The following RSRP1 variants were observed in gnomAD, a reference collection of about 807,000 sequenced individuals.
The protein encoded by RSRP1 is arginine and serine rich protein 1.
RSRP1 carries 37 observed loss-of-function variants against 33.0 expected under a neutral mutation model. The observed-to-expected ratio is 1.12, with a 90% CI of 0.86 to 1.48. RSRP1 has a LOEUF of 1.48. Ranked by LOEUF, RSRP1 falls within the 40% of genes most tolerant of loss-of-function variation. The pLI is 0.00. For synonymous variants in RSRP1, 167 were observed against 158.7 expected (o/e 1.05, Z -0.40); for missense variants, 402 against 385.3 (o/e 1.04, Z -0.36).
chr1:25,293,490 A>G (rs1324083160), intron 1 of RSRP1, among the ~76,000 whole-genome samples: 1 of 131,910 alleles, frequency 7.6e-6, no homozygotes, highest in East Asian at 1.9e-4. Flanking sequence ...TTTTAGAACA[A>G]GTAGAATACA....
chr1:25,332,363 T>C (rs552246263), intron 1 of RSRP1, among the ~76,000 whole-genome samples: 1 of 132,090 alleles, frequency 7.6e-6, no homozygotes, highest in African/African-American at 2.6e-5. Context: ...ATTTCCCACA[T>C]TGCCAATTCC....
At position 25,306,619 on chromosome 1, in the gene RSRP1, G is replaced by A. The variant is rs1222433796; in HGVS notation, c.-67+31359C>T. ...AGGGGTGTTGTAACCGAGTGCTGGG[G>A]ATTCCCCACAGCTCCATCATGGGCT... On this transcript the variant is annotated intron_variant, in intron 1 of 1. Transcript: ENST00000561867. 7 of 1,378,316 alleles carry A rather than the reference G, an allele frequency of 5.1e-6. 1 individual carries two copies. The highest frequency in any genetic ancestry group is 1.8e-4 in the Middle Eastern group (1 of 5,524). The allele number at this position is 1,378,316 out of a possible 1,614,324, so 85.4% of individuals were successfully genotyped here. A position where few individuals can be genotyped will look rare whatever the true frequency, so the allele number is the denominator to read the frequency against.
intron 1 of RSRP1, among the ~76,000 whole-genome samples, chr1:25,258,347 T>C (rs951260670): frequency 5.3e-5 from 8 of 151,996 alleles, no homozygotes; most frequent in African/African-American, 1.9e-4. Context: ...TGCCGGCTAA[T>C]TTTTGTATTT....
rs557746335 is a variant in RSRP1 at position 25,276,532 on chromosome 1, TAAAA to T, written c.-66-29507_-66-29504del. 2.3e-3 allele frequency among the ~76,000 whole-genome samples: 147 copies of T among 64,784 alleles called. 11 individuals are homozygous for T. The highest frequency in any genetic ancestry group is 0.013 in the South Asian group (30 of 2,288). 42.5% of individuals were successfully genotyped at this position (64,784 alleles called of 152,430 possible). A position where few individuals can be genotyped will look rare whatever the true frequency, so the allele number is the denominator to read the frequency against. On this transcript the variant is annotated intron_variant, in intron 1 of 1. Coordinates refer to the RSRP1 transcript ENST00000561867. ...ACATAGGGAGACCCCCCCCCATCTC[TAAAA>T]AAAAAAAAAAAAAAAAAAACTTTAA...
intron 1 of RSRP1, among the ~76,000 whole-genome samples, chr1:25,289,002 G>T (rs1468812318): frequency 3.7e-5 from 5 of 134,122 alleles, no homozygotes; most frequent in Non-Finnish European, 5.3e-5. Flanking sequence ...AGCGGGCATA[G>T]TCTGCAGCAA....
rs1639446575 is a variant in RSRP1, at chr1:25,246,704, C to G, written c.260G>C (p.Arg87Pro). Reference protein sequence around the residue: ...YSRSYSRSRSRSRSRRYRERR... With the variant: ...YSRSYSRSRSPSRSRRYRERR... ...CTCTCGGTAACGGCGGCTGCGGGATCGCGACCGGCTCCGCGAGTATGACCG... is the reference window on the plus strand; with the variant it reads ...CTCTCGGTAACGGCGGCTGCGGGATGGCGACCGGCTCCGCGAGTATGACCG... Residue 87 changes from arginine (R) to proline (P), a missense_variant, in exon 2 of 5, where the codon CGA becomes CCA. Physicochemically the swap from Arg to Pro is moderately radical, Grantham distance 103 (BLOSUM62 -2). Transcript: ENST00000243189. 3.1e-6 allele frequency: 5 copies of G among 1,607,692 alleles called. No individual in the cohort carries two copies. The highest frequency in any genetic ancestry group is 3.3e-4 in the Middle Eastern group (2 of 6,044).
intron 1 of RSRP1, chr1:25,290,796 G>T: frequency 7.3e-7 from 1 of 1,376,662 alleles, no homozygotes; most frequent in Non-Finnish European, 1.0e-6. Flanking sequence ...TTCAACGTGA[G>T]TCATGGTGCT....
rs1272143742 is a variant in RSRP1, at chr1:25,329,369, A to G, written c.-67+8609T>C. 1.0e-4 allele frequency: 31 copies of G among 307,598 alleles called. 4 individuals carry two copies. Among genetic ancestry groups the G allele is most frequent in the African/African-American group, 7.2e-4 (29 of 40,072 alleles). The allele number at this position is 307,598 out of a possible 1,614,324, so 19.1% of individuals were successfully genotyped here. ...AAGCAAATCTCCTGCCTCAGCCTCCAAAGTAGCTGGGATTACAGGCACCCA... is the reference window on the plus strand; with the variant it reads ...AAGCAAATCTCCTGCCTCAGCCTCCGAAGTAGCTGGGATTACAGGCACCCA... On this transcript the variant is annotated intron_variant, in intron 1 of 1. Coordinates refer to the RSRP1 transcript ENST00000561867.
In RSRP1 at chr1:25,334,454, T is replaced by C. The variant is rs1330452672; in HGVS notation, c.-67+3524A>G. Among the ~76,000 whole-genome samples, 2 of 131,330 alleles carry C rather than the reference T, an allele frequency of 1.5e-5. 1 individual carries two copies. The highest frequency in any genetic ancestry group is 1.5e-4 in the Admixed American group (2 of 13,640). 86.2% of individuals were successfully genotyped at this position (131,330 alleles called of 152,430 possible). A position where few individuals can be genotyped will look rare whatever the true frequency, so the allele number is the denominator to read the frequency against. On this transcript the variant is annotated intron_variant, in intron 1 of 1. Coordinates refer to the RSRP1 transcript ENST00000561867. ...GGGCTGGCATTGAGTGTCTGCAACT[T>C]TTCCAGGTACACGGTGCAAGCTGTC...
chr1:25,261,126 T>A (rs1640127426), intron 1 of RSRP1, among the ~76,000 whole-genome samples: 1 of 152,062 alleles, frequency 6.6e-6, no homozygotes, highest in Non-Finnish European at 1.5e-5. Context: ...AGGACACCAG[T>A]CCTATTAGAT....
At chr1:25,276,531 C>CAAAAAAAAAAAAAAA (rs1640993917) in intron 1 of RSRP1, among the ~76,000 whole-genome samples, 1 of 13,764 alleles carries the variant, frequency 7.3e-5, no homozygotes, top group African/African-American at 2.0e-4. Flanking sequence ...CCCCCCATCT[C>CAAAAAAAAAAAAAAA]TAAAAAAAAA....
At position 25,330,872 on chromosome 1, in the gene RSRP1, T is replaced by G. The variant is rs1644989931; in HGVS notation, c.-67+7106A>C. Among the ~76,000 whole-genome samples, 2 of 127,960 alleles carry G rather than the reference T, an allele frequency of 1.6e-5. 1 individual carries two copies. Among genetic ancestry groups the G allele is most frequent in the Non-Finnish European group, 3.7e-5 (2 of 54,512 alleles). The allele number at this position is 127,960 out of a possible 152,430, so 83.9% of individuals were successfully genotyped here. On this transcript the variant is annotated intron_variant, in intron 1 of 1. Transcript: ENST00000561867. ...AGGTTGGTTTCTGGTGAGACCTCTC[T>G]CCCTGTCTTGCAGATGGCTGCCTCC...
rs118144644 is a variant in RSRP1 at position 25,262,852 on chromosome 1, C to T, written c.-66-15823G>A. On this transcript the variant is annotated intron_variant, in intron 1 of 1. Coordinates refer to the RSRP1 transcript ENST00000561867. ...TTTCAAGCCACCTGCACATTGAGGG[C>T]GGATGGTTCCCTCTTAGTCCATTCA... 9.8e-4 allele frequency among the ~76,000 whole-genome samples: 149 copies of T among 152,274 alleles called. 3 individuals are homozygous for T. In the East Asian group the frequency reaches 0.027, roughly 28 times the overall value.
chr1:25,286,167 GA>G (rs1327137415), intron 1 of RSRP1, among the ~76,000 whole-genome samples: 9 of 134,926 alleles, frequency 6.7e-5, no homozygotes, highest in Non-Finnish European at 1.4e-4. Flanking sequence ...GCCCTGGAGG[GA>G]AAAAACTTTA....
chr1:25,295,872 T>C (rs1490415012), intron 1 of RSRP1, among the ~76,000 whole-genome samples: 3 of 105,254 alleles, frequency 2.9e-5, no homozygotes, highest in African/African-American at 9.9e-5. Flanking sequence ...TTTTTTTTTT[T>C]TTTTTTTGAG....
rs1195830689 is a variant in RSRP1, at chr1:25,290,617, C to T, written c.-66-43588G>A. ...AGAGGCATCCTTCCTTCTCAGTCGT[C>T]CTGGCTCTCCCTCTCTCCCCCAGTA... On this transcript the variant is annotated intron_variant, in intron 1 of 1. Transcript: ENST00000561867. The T allele has an allele frequency of 4.4e-6, 6 of 1,363,616 alleles. 2 individuals carry two copies. Among genetic ancestry groups the T allele is most frequent in the Admixed American group, 3.6e-5 (2 of 55,990 alleles). The allele number at this position is 1,363,616 out of a possible 1,614,324, so 84.5% of individuals were successfully genotyped here.
Position 25,269,577 on chromosome 1 carries a change from T to C in RSRP1, c.-66-22548A>G, listed in dbSNP as rs1304458640. On this transcript the variant is annotated intron_variant, in intron 1 of 1. Coordinates refer to the RSRP1 transcript ENST00000561867. ...CTAGAATCAACAATTAACATTTTAC[T>C]GTATTTGGTTTTTGACTTATCTATC... Among the ~76,000 whole-genome samples, 2 of 132,896 alleles carry C rather than the reference T, an allele frequency of 1.5e-5. 1 individual carries two copies. Among genetic ancestry groups the C allele is most frequent in the African/African-American group, 5.1e-5 (2 of 38,936 alleles). 87.2% of individuals were successfully genotyped at this position (132,896 alleles called of 152,430 possible).
At position 25,270,354 on chromosome 1, in the gene RSRP1, G is replaced by T. The variant is rs189011564; in HGVS notation, c.-66-23325C>A. 4.3e-3 allele frequency among the ~76,000 whole-genome samples: 565 copies of T among 130,392 alleles called. 56 individuals are homozygous for T. Among genetic ancestry groups the T allele is most frequent in the African/African-American group, 0.014 (545 of 37,602 alleles). 85.5% of individuals were successfully genotyped at this position (130,392 alleles called of 152,430 possible). On this transcript the variant is annotated intron_variant, in intron 1 of 1. Transcript: ENST00000561867. ...GCTGTGGCCCGTTAGGAACCTGACC[G>T]CACAGCATGAGGGATAGGCCAGCGA...
intron 1 of RSRP1, among the ~76,000 whole-genome samples, chr1:25,269,020 G>C (rs1640415042): frequency 7.7e-6 from 1 of 130,330 alleles, no homozygotes; most frequent in Admixed American, 7.5e-5. Flanking sequence ...ATCCAGGGAG[G>C]TGAGGTGGGG....
Sources: allele counts gnomAD v4.1 joint callset (sites outside exome capture counted in the v4.1 genomes callset), GRCh38; gene constraint gnomAD v4.1.1; transcripts MANE v1.5; gene names NCBI Gene and HGNC (gene_info 2026-07-23, HGNC 2026-07-21).